Variants in TUSC3 observed in about 807,000 individuals in gnomAD.
The protein encoded by TUSC3 is dolichyl-diphosphooligosaccharide--protein glycosyltransferase subunit TUSC3.
TUSC3 carries 45 observed loss-of-function variants against 44.8 expected under a neutral mutation model. The observed-to-expected ratio is 1.00, with a 90% CI of 0.79 to 1.29. The LOEUF is 1.29. TUSC3 is among the 50% of genes most tolerant of loss of function. The pLI, the probability that TUSC3 is intolerant of heterozygous loss-of-function variation, is 0.00. For synonymous variants in TUSC3, 212 were observed against 152.9 expected (o/e 1.39, Z -2.85); for missense variants, 519 against 437.9 (o/e 1.19, Z -1.65).
chr8:15,839,212 T>A, the TUSC3 span, among the ~76,000 whole-genome samples: 41 of 152,346 alleles, frequency 2.7e-4, no homozygotes, highest in African/African-American at 9.4e-4. Context: ...TGATTTTATA[T>A]CCTGAGACTT....
At chr8:15,445,459 C>T (rs1040121637) in intron 1 of TUSC3, among the ~76,000 whole-genome samples, 2 of 152,114 alleles carry the variant, frequency 1.3e-5, no homozygotes, top group Non-Finnish European at 2.9e-5. Context: ...GCAGAGGACC[C>T]TGCGGCCTTC....
intron 2 of TUSC3, among the ~76,000 whole-genome samples, chr8:15,644,161 C>G (rs115074224): frequency 6.6e-6 from 1 of 152,038 alleles, no homozygotes; most frequent in African/African-American, 2.4e-5. Context: ...AAGATTGTAG[C>G]ATTTAGATTA....
At chr8:15,728,360 C>G (rs1354425883) in intron 6 of TUSC3, among the ~76,000 whole-genome samples, 1 of 148,586 alleles carries the variant, frequency 6.7e-6, no homozygotes, top group Admixed American at 6.8e-5. Context: ...GCCTCCTTTC[C>G]TAGTTCTTCC....
chr8:15,677,185 A>C (rs1808229187), intron 6 of TUSC3, among the ~76,000 whole-genome samples: 1 of 151,950 alleles, frequency 6.6e-6, no homozygotes, highest in Admixed American at 6.6e-5. Flanking sequence ...TTTCCCCAAG[A>C]AATAGGGTCT....
chr8:15,602,058 A>G (rs1239454114), intron 1 of TUSC3, among the ~76,000 whole-genome samples: 2 of 151,558 alleles, frequency 1.3e-5, no homozygotes, highest in East Asian at 1.9e-4. Context: ...CTTTGTGAGC[A>G]CTGACATGAT....
intron 8 of TUSC3, among the ~76,000 whole-genome samples, chr8:15,744,827 G>T (rs1046426098): frequency 6.6e-6 from 1 of 151,836 alleles, no homozygotes; most frequent in African/African-American, 2.4e-5. Context: ...TTTTAGATTT[G>T]GGGGTTTATG....
intron 6 of TUSC3, among the ~76,000 whole-genome samples, chr8:15,727,742 T>G (rs1810556464): frequency 6.6e-6 from 1 of 152,218 alleles, no homozygotes; most frequent in African/African-American, 2.4e-5. Flanking sequence ...GCCTTTTGGC[T>G]AAGATCAAGT....
chr8:15,539,118 G>C (rs545262878), upstream of TUSC3, among the ~76,000 whole-genome samples: 17 of 151,790 alleles, frequency 1.1e-4, 1 homozygote, highest in East Asian at 9.8e-4. Flanking sequence ...CAAAGCATTG[G>C]GTTTACAGGT....
intron 2 of TUSC3, among the ~76,000 whole-genome samples, chr8:15,526,587 T>G (rs1177385176): frequency 6.6e-6 from 1 of 152,186 alleles, no homozygotes; most frequent in Non-Finnish European, 1.5e-5. Context: ...GGTTTCCCCT[T>G]TCTCTTGGCT....
At position 15,570,954 on chromosome 8, in the gene TUSC3, G is replaced by GTTTTTTTTTTTT. The variant is rs549277334; in HGVS notation, c.138+30395_138+30406dup. Among the ~76,000 whole-genome samples, 65 of 44,490 alleles carry GTTTTTTTTTTTT rather than the reference G, an allele frequency of 1.5e-3. 14 individuals are homozygous for GTTTTTTTTTTTT. The highest frequency in any genetic ancestry group is 4.9e-3 in the East Asian group (5 of 1,028). The allele number at this position is 44,490 out of a possible 152,430, so 29.2% of individuals were successfully genotyped here. ...TTGCTTTCTATTCCATTGCCTATTA[G>GTTTTTTTTTTTT]TTTTTTTTTTTTTTTTTTTTGAGAT... On this transcript the variant is annotated intron_variant, in intron 1 of 10. Coordinates refer to ENST00000503731, the MANE Select transcript of TUSC3 (RefSeq NM_006765.4).
chr8:15,623,249 G>T lies in TUSC3; in HGVS notation c.308G>T (p.Arg103Met). 6.3e-7 allele frequency: 1 copy of T among 1,581,304 alleles called. No individual in the cohort carries two copies. The highest frequency in any genetic ancestry group is 8.6e-7 in the Non-Finnish European group (1 of 1,165,790). Residue 103 changes from arginine to methionine, a missense_variant and splice_region_variant, in exon 2 of 11, where the codon AGG becomes ATG. Transcript: ENST00000503731. ...CCTCAGCGGCAGTGTTCTGTGTGCA[G>T]GTAATTTATGTAATTAAAAAATATT... ...LQPQRQCSVC[R>M]QANEEYQILA...
At chr8:15,481,998 A>T (rs1800669209) in intron 1 of TUSC3, among the ~76,000 whole-genome samples, 1 of 152,186 alleles carries the variant, frequency 6.6e-6, no homozygotes, top group Non-Finnish European at 1.5e-5. Flanking sequence ...ATCTTCTCCA[A>T]TCCAGCTGCT....
At chr8:15,815,573 A>T in the TUSC3 span, among the ~76,000 whole-genome samples, 1 of 152,134 alleles carries the variant, frequency 6.6e-6, no homozygotes, top group Non-Finnish European at 1.5e-5. Flanking sequence ...ACAGAGGAAG[A>T]GTAATTAGAC....
the TUSC3 span, among the ~76,000 whole-genome samples, chr8:15,795,623 C>A: frequency 6.6e-6 from 1 of 152,126 alleles, no homozygotes; most frequent in East Asian, 1.9e-4. Flanking sequence ...GTAAAAAATG[C>A]GTGGCTACAC....
the TUSC3 span, among the ~76,000 whole-genome samples, chr8:15,820,895 T>G: frequency 6.6e-6 from 1 of 152,192 alleles, no homozygotes; most frequent in East Asian, 1.9e-4. Flanking sequence ...GAGGTTGCAA[T>G]GTATGTAGAT....
intron 1 of TUSC3, among the ~76,000 whole-genome samples, chr8:15,480,945 A>C (rs541176583): frequency 1.1e-4 from 17 of 152,232 alleles, no homozygotes; most frequent in African/African-American, 4.1e-4. Flanking sequence ...TCACCTTTGC[A>C]ACAGTATTAA....
intron 1 of TUSC3, among the ~76,000 whole-genome samples, chr8:15,464,469 A>G (rs1800389361): frequency 6.6e-6 from 1 of 152,216 alleles, no homozygotes; most frequent in African/African-American, 2.4e-5. Flanking sequence ...GAAACAGTGC[A>G]GAGAAAAACC....
chr8:15,529,756 G>T (rs944932313), intron 2 of TUSC3, among the ~76,000 whole-genome samples: 2 of 149,712 alleles, frequency 1.3e-5, no homozygotes, highest in African/African-American at 2.4e-5. Flanking sequence ...GTAGAATACA[G>T]GTTGCCATAT....
intron 1 of TUSC3, among the ~76,000 whole-genome samples, chr8:15,560,689 G>T (rs1163090792): frequency 9.1e-6 from 1 of 109,802 alleles, no homozygotes; most frequent in African/African-American, 3.2e-5. Flanking sequence ...ATTTCTTGGA[G>T]GCTTTGCTCA....
Sources: allele counts gnomAD v4.1 joint callset (sites outside exome capture counted in the v4.1 genomes callset), GRCh38; gene constraint gnomAD v4.1.1; transcripts MANE v1.5; gene names NCBI Gene and HGNC (gene_info 2026-07-23, HGNC 2026-07-21).